The following PDE1B variants were observed in gnomAD, a reference collection of about 807,000 sequenced individuals.
PDE1B encodes dual specificity calcium/calmodulin-dependent 3',5'-cyclic nucleotide phosphodiesterase 1B.
PDE1B carries 13 observed loss-of-function variants against 66.7 expected under a neutral mutation model. The observed-to-expected ratio is 0.19, with a 90% CI of 0.13 to 0.31. PDE1B has a LOEUF of 0.31. PDE1B is among the 10% of genes least tolerant of loss of function. PDE1B has a pLI of 1.00. For synonymous variants in PDE1B, 230 were observed against 253.9 expected (o/e 0.91, Z 0.90); for missense variants, 485 against 682.3 (o/e 0.71, Z 3.22).
Position 54,575,775 on chromosome 12 carries a change from G to T in PDE1B, c.1267+143G>T. 1.3e-6 allele frequency: 1 copy of T among 754,462 alleles called. No individual in the cohort carries two copies. Among genetic ancestry groups the T allele is most frequent in the African/African-American group, 1.7e-5 (1 of 58,802 alleles). The allele number at this position is 754,462 out of a possible 1,614,324, so 46.7% of individuals were successfully genotyped here. A position where few individuals can be genotyped will look rare whatever the true frequency, so the allele number is the denominator to read the frequency against. On this transcript the variant is annotated intron_variant, in intron 12 of 15. Transcript: ENST00000243052. This position sits in a 1 kb window ranked among gnomAD's most constrained non-coding sequence, Gnocchi z 4.0. ...ACTGTGCTAGAGCATGGGGTCCTGG[G>T]TTAGGAGGCCAGGGGGCTGCAATGG...
In PDE1B at chr12:54,573,979, T is replaced by G; in HGVS notation, c.1064+270T>G. 2.1e-6 allele frequency: 1 copy of G among 478,382 alleles called. No individual in the cohort carries two copies. Among genetic ancestry groups the G allele is most frequent in the Non-Finnish European group, 3.8e-6 (1 of 266,148 alleles). The allele number at this position is 478,382 out of a possible 1,614,324, so 29.6% of individuals were successfully genotyped here. ...AGTGCTTTGGGCTGGGAATCTAAGATGGGGGTTCTCATCGTAGCTCTGGGA... is the reference window on the plus strand; with the variant it reads ...AGTGCTTTGGGCTGGGAATCTAAGAGGGGGGTTCTCATCGTAGCTCTGGGA... On this transcript the variant is annotated intron_variant, in intron 10 of 15. Coordinates refer to ENST00000243052, the MANE Select transcript of PDE1B (RefSeq NM_000924.4). The surrounding 1 kb of genome is among the most constrained non-coding windows in gnomAD (Gnocchi z 5.2).
chr12:54,560,307 T>G (rs1200904925), intron 2 of PDE1B, among the ~76,000 whole-genome samples: 1 of 152,216 alleles, frequency 6.6e-6, no homozygotes, highest in Admixed American at 6.5e-5. Context: ...TTTGACGGGT[T>G]GGGGTAAAGG....
chr12:54,575,375 C>G lies in PDE1B; in HGVS notation c.1185+157C>G, dbSNP rs1957715821. ...GGTAAAACCCCATTATCCTAAAAGCCTAACAATAGTTGCATTTCATTTGCA... is the reference window on the plus strand; with the variant it reads ...GGTAAAACCCCATTATCCTAAAAGCGTAACAATAGTTGCATTTCATTTGCA... On this transcript the variant is annotated intron_variant, in intron 11 of 15. Coordinates refer to ENST00000243052, the MANE Select transcript of PDE1B (RefSeq NM_000924.4). The surrounding 1 kb of genome is among the most constrained non-coding windows in gnomAD (Gnocchi z 4.0). 1.3e-6 allele frequency: 1 copy of G among 783,752 alleles called. No homozygotes were observed. The highest frequency in any genetic ancestry group is 1.7e-5 in the African/African-American group (1 of 58,656). The allele number at this position is 783,752 out of a possible 1,614,324, so 48.5% of individuals were successfully genotyped here. A position where few individuals can be genotyped will look rare whatever the true frequency, so the allele number is the denominator to read the frequency against.
chr12:54,550,628 C>A (rs1268308776), intron 2 of PDE1B, among the ~76,000 whole-genome samples: 1 of 152,154 alleles, frequency 6.6e-6, no homozygotes, highest in African/African-American at 2.4e-5. Flanking sequence ...TTGGAGCCCC[C>A]ACCTGGAAGC....
chr12:54,568,149 G>A (rs1234967393), intron 3 of PDE1B, among the ~76,000 whole-genome samples: 1 of 152,130 alleles, frequency 6.6e-6, no homozygotes, highest in African/African-American at 2.4e-5. Context: ...GAGCTACCGC[G>A]CCCAGCCGAT....
Position 54,573,325 on chromosome 12 carries a change from G to C in PDE1B, c.837-30G>C. The C allele has an allele frequency of 1.2e-6, 2 of 1,614,092 alleles. No homozygotes were observed. The highest frequency in any genetic ancestry group is 1.7e-6 in the Non-Finnish European group (2 of 1,179,978). On this transcript the variant is annotated intron_variant, in intron 8 of 15. Coordinates refer to ENST00000243052, the MANE Select transcript of PDE1B (RefSeq NM_000924.4). This position sits in a 1 kb window ranked among gnomAD's most constrained non-coding sequence, Gnocchi z 5.2. ...GGTTGCCGGAGTCCCTCCTTACAGG[G>C]GGTGGTCATGATGACCTTTGGCTTT...
At chr12:54,570,580 C>A (rs914366044) in intron 6 of PDE1B, 2 of 535,800 alleles carry the variant, frequency 3.7e-6, no homozygotes, top group East Asian at 6.3e-5. Context: ...CGGTCTGCAA[C>A]CATCTAGCCT....
Position 54,573,304 on chromosome 12 carries a change from G to C in PDE1B, c.837-51G>C, listed in dbSNP as rs777212288. 1 of 1,613,700 alleles carries C rather than the reference G, an allele frequency of 6.2e-7. No individual in the cohort carries two copies. The highest frequency in any genetic ancestry group is 2.2e-5 in the East Asian group (1 of 44,878). ...GGGGCCAAGAGGAGGTGGGGAGGTT[G>C]CCGGAGTCCCTCCTTACAGGGGGTG... On this transcript the variant is annotated intron_variant, in intron 8 of 15. Transcript: ENST00000243052. The surrounding 1 kb of genome is among the most constrained non-coding windows in gnomAD (Gnocchi z 5.2).
chr12:54,569,995 C>G lies in PDE1B; in HGVS notation c.478-246C>G, dbSNP rs1019232799. On this transcript the variant is annotated intron_variant, in intron 5 of 15. Coordinates refer to ENST00000243052, the MANE Select transcript of PDE1B (RefSeq NM_000924.4). This position sits in a 1 kb window ranked among gnomAD's most constrained non-coding sequence, Gnocchi z 4.4. Reference sequence around the variant, plus strand: ...GATTACAGACGTGAGCCACTGCGCCCGGCCTGCCTTCCCTTTTAACTGTTG... The same window carrying G: ...GATTACAGACGTGAGCCACTGCGCCGGGCCTGCCTTCCCTTTTAACTGTTG... Among the ~76,000 whole-genome samples the G allele has an allele frequency of 1.3e-5, 2 of 152,174 alleles. No individual in the cohort carries two copies. The highest frequency in any genetic ancestry group is 2.9e-5 in the Non-Finnish European group (2 of 68,016).
At position 54,569,624 on chromosome 12, in the gene PDE1B, G is replaced by A. The variant is rs768333684; in HGVS notation, c.477+12G>A. The stretch of plus-strand genomic sequence containing the variant: ...TCAACTGTCTCAAGGTAATCTCTGG[G>A]TTTTTGGGAAAGAGGAGAAAGTTAG... On this transcript the variant is annotated intron_variant, in intron 5 of 15. Transcript: ENST00000243052. The surrounding 1 kb of genome is among the most constrained non-coding windows in gnomAD (Gnocchi z 4.4). The A allele has an allele frequency of 5.6e-6, 9 of 1,602,484 alleles. No homozygotes were observed. The South Asian group carries it at 7.7e-5, about 14-fold the overall frequency.
rs539688546 is a variant in PDE1B, at chr12:54,549,861, C to G, written c.-12C>G. 6.2e-7 allele frequency: 1 copy of G among 1,604,024 alleles called. No individual in the cohort carries two copies. The highest frequency in any genetic ancestry group is 8.5e-7 in the Non-Finnish European group (1 of 1,171,434). On this transcript the variant is annotated splice_region_variant and 5_prime_UTR_variant, in exon 2 of 16. Coordinates refer to ENST00000243052, the MANE Select transcript of PDE1B (RefSeq NM_000924.4). Reference sequence around the variant, plus strand: ...CTGTCTCCTCCTTCTGTTCCGTAGACCGTGGCTGAGCATGGAGCTGTCCCC... The same window carrying G: ...CTGTCTCCTCCTTCTGTTCCGTAGAGCGTGGCTGAGCATGGAGCTGTCCCC...
chr12:54,550,989 G>A (rs1957269844), intron 2 of PDE1B, among the ~76,000 whole-genome samples: 1 of 152,212 alleles, frequency 6.6e-6, no homozygotes, highest in African/African-American at 2.4e-5. Flanking sequence ...AAGAGAAGAT[G>A]TCCCTCTCTC....
At chr12:54,559,295 C>T (rs1957377327) in intron 2 of PDE1B, among the ~76,000 whole-genome samples, 2 of 143,174 alleles carry the variant, frequency 1.4e-5, no homozygotes, top group South Asian at 4.9e-4. Context: ...GCAGAGTCTC[C>T]CATCCTTTGT....
intron 3 of PDE1B, among the ~76,000 whole-genome samples, chr12:54,567,815 A>G (rs1013753126): frequency 2.0e-5 from 3 of 151,976 alleles, no homozygotes; most frequent in African/African-American, 7.2e-5. Context: ...GATGGATTTC[A>G]AAGACTTAGA....
rs1592174414 is a variant in PDE1B at position 54,575,731 on chromosome 12, T to C, written c.1267+99T>C. The C allele has an allele frequency of 1.1e-6, 1 of 934,824 alleles. No individual in the cohort carries two copies. The highest frequency in any genetic ancestry group is 1.7e-6 in the Non-Finnish European group (1 of 575,714). The allele number at this position is 934,824 out of a possible 1,614,324, so 57.9% of individuals were successfully genotyped here. On this transcript the variant is annotated intron_variant, in intron 12 of 15. Transcript: ENST00000243052. The surrounding 1 kb of genome is among the most constrained non-coding windows in gnomAD (Gnocchi z 4.0). The stretch of plus-strand genomic sequence containing the variant: ...AGTCCTCAATCCCCCCAAACCATTC[T>C]TCCTGTAGAGGAAAGCCTACTGTGC...
rs1957750516 is a variant in PDE1B, at chr12:54,576,484, C to T, written c.1377-87C>T. On this transcript the variant is annotated intron_variant, in intron 13 of 15. Coordinates refer to ENST00000243052, the MANE Select transcript of PDE1B (RefSeq NM_000924.4). ...GAAGTTCCCTGAACCTTCTCCTGGT[C>T]TTCCATGTCCTGCACTCCCAGGGCT... The T allele has an allele frequency of 9.9e-6, 15 of 1,509,244 alleles. No individual in the cohort carries two copies. The South Asian group carries it at 1.7e-4, about 18-fold the overall frequency. The allele number at this position is 1,509,244 out of a possible 1,614,324, so 93.5% of individuals were successfully genotyped here.
chr12:54,560,423 C>A (rs936293183), intron 2 of PDE1B, among the ~76,000 whole-genome samples: 1 of 152,184 alleles, frequency 6.6e-6, no homozygotes, highest in African/African-American at 2.4e-5. Flanking sequence ...TACCACATCA[C>A]CCGCAGCCAT....
At chr12:54,576,958 T>C (rs528729080) in intron 14 of PDE1B, 1 of 604,504 alleles carries the variant, frequency 1.7e-6, no homozygotes, top group South Asian at 2.0e-5. Context: ...CTGTGGTCCC[T>C]GTAAATGGTG....
In PDE1B at chr12:54,575,698, T is replaced by C; in HGVS notation, c.1267+66T>C. 2 of 1,137,034 alleles carry C rather than the reference T, an allele frequency of 1.8e-6. No individual in the cohort carries two copies. Among genetic ancestry groups the C allele is most frequent in the Non-Finnish European group, 2.7e-6 (2 of 754,418 alleles). 70.4% of individuals were successfully genotyped at this position (1,137,034 alleles called of 1,614,324 possible). On this transcript the variant is annotated intron_variant, in intron 12 of 15. Transcript: ENST00000243052. The surrounding 1 kb of genome is among the most constrained non-coding windows in gnomAD (Gnocchi z 4.0). ...GGAAAAGATGCTGCCTGGGTCAGGATTGCTCCAAGTCCTCAATCCCCCCAA... is the reference window on the plus strand; with the variant it reads ...GGAAAAGATGCTGCCTGGGTCAGGACTGCTCCAAGTCCTCAATCCCCCCAA...
Sources: gnomAD v4.1 joint callset for allele counts (sites outside exome capture counted in the v4.1 genomes callset) on GRCh38, gnomAD v4.1.1 for gene constraint, Gnocchi (gnomAD v3.1) non-coding constraint, MANE v1.5 for transcripts, NCBI Gene and HGNC (gene_info 2026-07-23, HGNC 2026-07-21) for gene names.